The following KCNT2 variants were observed in gnomAD, a reference collection of about 807,000 sequenced individuals.
KCNT2 encodes the protein potassium channel subfamily T member 2.
A neutral mutation model predicts 153.8 loss-of-function variants in KCNT2; 67 were observed. The observed-to-expected ratio is 0.44, with a 90% CI of 0.36 to 0.53. The LOEUF (loss-of-function observed/expected upper bound fraction) is 0.53, where lower values mean the gene tolerates loss of function less well. Among genes scored for constraint, KCNT2 ranks in the 20% least tolerant of loss-of-function variants. The probability of loss-of-function intolerance (pLI) is 0.00; values close to 1 mark genes in which losing one functional copy is unlikely to be tolerated. For missense variants in KCNT2, 975 were observed against 1,354.8 expected, an observed-to-expected ratio of 0.72 and a Z score of 4.40; for synonymous variants, 500 against 458.8, an observed-to-expected ratio of 1.09 and a Z score of -1.15.
At chr1:196,247,323 C>T (rs773015413) in intron 26 of KCNT2, among the ~76,000 whole-genome samples, 51 of 152,098 alleles carry the variant, frequency 3.4e-4, no homozygotes, top group Non-Finnish European at 1.0e-4. Flanking sequence ...GACTCCAACA[C>T]AATAATAACT....
At chr1:196,265,660 G>A (rs751116939) in intron 25 of KCNT2, among the ~76,000 whole-genome samples, 1 of 152,164 alleles carries the variant, frequency 6.6e-6, no homozygotes, top group Non-Finnish European at 1.5e-5. Context: ...TATGGAAGAA[G>A]AGCAGTTACC....
chr1:196,379,097 T>C (rs1362738024), intron 13 of KCNT2, among the ~76,000 whole-genome samples: 2 of 152,178 alleles, frequency 1.3e-5, no homozygotes, highest in East Asian at 3.9e-4. Flanking sequence ...GGATTACTTT[T>C]TGTATACAAA....
intron 14 of KCNT2, among the ~76,000 whole-genome samples, chr1:196,359,440 T>C (rs1396819053): frequency 6.6e-6 from 1 of 152,020 alleles, no homozygotes; most frequent in Non-Finnish European, 1.5e-5. Flanking sequence ...AGCAGATAAA[T>C]GCATATGGTT....
rs755868850 is a variant in KCNT2, at chr1:196,333,871, T to A, written c.1973A>T (p.Asp658Val). The change falls in exon 17 of 28, where the codon GAT (aspartate) becomes GTT (valine). Residue 658 changes from aspartate to valine, a missense_variant. Transcript: ENST00000294725. The part of the protein sequence containing the change: ...SDQSEDETTP[D>V]EEMSSNLEYA... ...CTCTAAGTTTGAAGACATTTCTTCA[T>A]CTGGTGTAGTTTCATCTTCTGATTG... The A allele has an allele frequency of 1.9e-6, 3 of 1,610,086 alleles. No homozygotes were observed. Among genetic ancestry groups the A allele is most frequent in the Non-Finnish European group, 2.5e-6 (3 of 1,176,908 alleles).
At chr1:196,353,647 T>A (rs1572144941) in intron 14 of KCNT2, among the ~76,000 whole-genome samples, 1 of 151,976 alleles carries the variant, frequency 6.6e-6, no homozygotes, top group Non-Finnish European at 1.5e-5. Context: ...CACTTAACAA[T>A]GATTGCATTT....
chr1:196,448,292 A>T (rs915969077), intron 8 of KCNT2, among the ~76,000 whole-genome samples: 1 of 151,686 alleles, frequency 6.6e-6, no homozygotes, highest in African/African-American at 2.4e-5. Flanking sequence ...AGATAATGCA[A>T]GCAAAACTCT....
At chr1:196,562,625 G>GA (rs369736338) in intron 1 of KCNT2, among the ~76,000 whole-genome samples, 2 of 150,720 alleles carry the variant, frequency 1.3e-5, no homozygotes, top group South Asian at 2.1e-4. Context: ...GGAACTGGGG[G>GA]AAAAAAACAA....
In KCNT2 at chr1:196,570,067, T is replaced by TAAAAAAAAAAA. The variant is rs199836975; in HGVS notation, c.95+38137_95+38147dup. The stretch of plus-strand genomic sequence containing the variant: ...TGAGTCCAGGAAGCTTGAGCTAGAG[T>TAAAAAAAAAAA]AAAAAAAAAAAAAAAAAAAAAAAAA... On this transcript the variant is annotated intron_variant, in intron 1 of 27. Coordinates refer to ENST00000294725, the MANE Select transcript of KCNT2 (RefSeq NM_198503.5). Among the ~76,000 whole-genome samples the TAAAAAAAAAAA allele has an allele frequency of 2.2e-3, 297 of 133,628 alleles. 19 individuals carry two copies. The highest frequency in any genetic ancestry group is 9.9e-3 in the African/African-American group (272 of 27,450). 87.7% of individuals were successfully genotyped at this position (133,628 alleles called of 152,430 possible).
chr1:196,302,474 T>C (rs1253904491), intron 22 of KCNT2, among the ~76,000 whole-genome samples: 1 of 152,176 alleles, frequency 6.6e-6, no homozygotes, highest in Non-Finnish European at 1.5e-5. Context: ...GAAATAAAGA[T>C]GTTGTCAAGA....
chr1:196,605,283 T>G (rs566294985), intron 1 of KCNT2, among the ~76,000 whole-genome samples: 2 of 152,208 alleles, frequency 1.3e-5, no homozygotes, highest in East Asian at 3.9e-4. Flanking sequence ...TGATCACAGA[T>G]AAAATACCAG....
chr1:196,445,361 G>A (rs939541976), intron 8 of KCNT2, among the ~76,000 whole-genome samples: 3 of 151,248 alleles, frequency 2.0e-5, no homozygotes, highest in Non-Finnish European at 4.4e-5. Flanking sequence ...CAGATAACAA[G>A]ACCAAATAGT....
At chr1:196,582,956 C>T (rs1662243987) in intron 1 of KCNT2, among the ~76,000 whole-genome samples, 1 of 151,806 alleles carries the variant, frequency 6.6e-6, no homozygotes, top group South Asian at 2.1e-4. Flanking sequence ...AGCGAAAAAG[C>T]CTTCCTAAAA....
Position 196,416,866 on chromosome 1 carries a change from AT to A in KCNT2, c.1185+6183del, listed in dbSNP as rs150925156. Among the ~76,000 whole-genome samples, 41 of 152,038 alleles carry A rather than the reference AT, an allele frequency of 2.7e-4. 2 individuals carry two copies. In the East Asian group the frequency reaches 7.8e-3, roughly 29 times the overall value. On this transcript the variant is annotated intron_variant, in intron 12 of 27. Transcript: ENST00000294725. Reference sequence around the variant, plus strand: ...GTTGTGCTATGAAATAGTAGGTCTTATTCATTCTATTTTATTTTGTACCCAT... The same window carrying A: ...GTTGTGCTATGAAATAGTAGGTCTTATCATTCTATTTTATTTTGTACCCAT...
chr1:196,247,845 C>A lies in KCNT2; in HGVS notation c.3211+10349G>T, dbSNP rs1655592365. Among the ~76,000 whole-genome samples the A allele has an allele frequency of 3.3e-5, 5 of 152,116 alleles. No homozygotes were observed. In the South Asian group the frequency reaches 1.0e-3, roughly 32 times the overall value. On this transcript the variant is annotated intron_variant, in intron 26 of 27. Coordinates refer to ENST00000294725, the MANE Select transcript of KCNT2 (RefSeq NM_198503.5). ...CATTTCATCCAATGGCTGCACAGTACACATTCTTCTCCTTAGTATATGGAT... is the reference window on the plus strand; with the variant it reads ...CATTTCATCCAATGGCTGCACAGTAAACATTCTTCTCCTTAGTATATGGAT...
chr1:196,361,476 T>G (rs1422302080), intron 14 of KCNT2, among the ~76,000 whole-genome samples: 3 of 151,954 alleles, frequency 2.0e-5, no homozygotes, highest in African/African-American at 7.2e-5. Context: ...ATGTGTGTCC[T>G]CAGAACAAGC....
chr1:196,555,188 G>A (rs1024441026), intron 1 of KCNT2, among the ~76,000 whole-genome samples: 1 of 151,284 alleles, frequency 6.6e-6, no homozygotes, highest in Non-Finnish European at 1.5e-5. Context: ...TGGAAAGGAA[G>A]AAATCACATT....
chr1:196,524,590 TACAAG>T (rs1407023942), intron 1 of KCNT2, among the ~76,000 whole-genome samples: 20 of 152,290 alleles, frequency 1.3e-4, no homozygotes, highest in African/African-American at 4.3e-4. Flanking sequence ...CAAATGTAAA[TACAAG>T]ACATATTACA....
intron 7 of KCNT2, 51 bp from the exon 8 acceptor site, chr1:196,465,438 C>A (rs762407577): frequency 2.1e-6 from 2 of 954,304 alleles, no homozygotes; most frequent in African/African-American, 1.6e-5. Flanking sequence ...ACTAAATATG[C>A]ATGAGTTTCA....
In KCNT2 at chr1:196,333,870, A is replaced by C. The variant is rs778122524; in HGVS notation, c.1974T>G (p.Asp658Glu). ...ACTCTAAGTTTGAAGACATTTCTTCATCTGGTGTAGTTTCATCTTCTGATT... is the reference window on the plus strand; with the variant it reads ...ACTCTAAGTTTGAAGACATTTCTTCCTCTGGTGTAGTTTCATCTTCTGATT... ...SDQSEDETTP[D>E]EEMSSNLEYA... Residue 658 changes from aspartate to glutamate, a missense_variant, in exon 17 of 28, where the codon GAT becomes GAG. Around this residue, in one of 6 missense-constraint regions of KCNT2, gnomAD observed 325 missense variants for 388.1 expected, o/e 0.84. Coordinates refer to ENST00000294725, the MANE Select transcript of KCNT2 (RefSeq NM_198503.5). 10 of 1,610,114 alleles carry C rather than the reference A, an allele frequency of 6.2e-6. No individual in the cohort carries two copies. In the Admixed American group the frequency reaches 6.7e-5, roughly 11 times the overall value.
Sources: gnomAD v4.1 joint callset for allele counts (sites outside exome capture counted in the v4.1 genomes callset) on GRCh38, gnomAD v4.1.1 for gene constraint, gnomAD v4.1.1 regional missense constraint, MANE v1.5 for transcripts, NCBI Gene and HGNC (gene_info 2026-07-23, HGNC 2026-07-21) for gene names.